Variants in EPDR1 observed in about 807,000 individuals in gnomAD.
The protein encoded by EPDR1 is ependymin related 1.
A neutral mutation model predicts 23.7 loss-of-function variants in EPDR1; 27 were observed. That is an observed-to-expected ratio of 1.14 (90% CI 0.84 to 1.57). The LOEUF is 1.57. EPDR1 is among the 40% of genes most tolerant of loss of function. The probability of loss-of-function intolerance (pLI) is 0.00; values close to 1 mark genes in which losing one functional copy is unlikely to be tolerated. For missense variants in EPDR1, 349 were observed against 290.4 expected (o/e 1.20, Z -1.47); for synonymous variants, 137 against 118.2 (o/e 1.16, Z -1.03).
chr7:37,948,185 T>C (rs1339152750), intron 1 of EPDR1, among the ~76,000 whole-genome samples: 1 of 151,834 alleles, frequency 6.6e-6, no homozygotes, highest in African/African-American at 2.4e-5. Context: ...CACACAAGAG[T>C]CAAGTCCTCC....
At chr7:37,936,025 T>TATACACAC (rs1554374629) in intron 1 of EPDR1, among the ~76,000 whole-genome samples, 3 of 105,324 alleles carry the variant, frequency 2.8e-5, no homozygotes, top group Admixed American at 9.5e-5. Context: ...TATATATATA[T>TATACACAC]ATATATATAT....
intron 1 of EPDR1, among the ~76,000 whole-genome samples, chr7:37,930,919 C>T (rs557749805): frequency 6.6e-6 from 1 of 152,300 alleles, no homozygotes; most frequent in South Asian, 2.1e-4. Flanking sequence ...TTATAAGGAG[C>T]TTTGTCACAA....
chr7:37,931,909 T>G (rs570005234), intron 1 of EPDR1, among the ~76,000 whole-genome samples: 1 of 152,140 alleles, frequency 6.6e-6, no homozygotes, highest in East Asian at 1.9e-4. Context: ...AGGGTTTCAC[T>G]GTGTTAGCCA....
rs539079561 is a variant in EPDR1 at position 37,951,098 on chromosome 7, C to T, written c.*702C>T. The T allele has an allele frequency of 3.3e-5, 5 of 152,310 alleles. No individual in the cohort carries two copies. The highest frequency in any genetic ancestry group is 9.6e-5 in the African/African-American group (4 of 41,566). 9.4% of individuals were successfully genotyped at this position (152,310 alleles called of 1,614,324 possible). On this transcript the variant is annotated 3_prime_UTR_variant, in exon 3 of 3. Coordinates refer to ENST00000199448, the MANE Select transcript of EPDR1 (RefSeq NM_017549.5). ...TCCTAATGTCTACACTGGCATAGCA[C>T]GAGCCATGTAAGCTTCTTTTTTTTC...
At position 37,920,883 on chromosome 7, in the gene EPDR1, C is replaced by T. The variant is rs753016633; in HGVS notation, c.-57C>T. 2.5e-6 allele frequency: 4 copies of T among 1,611,482 alleles called. No individual in the cohort carries two copies. The highest frequency in any genetic ancestry group is 2.7e-5 in the African/African-American group (2 of 74,898). Reference sequence around the variant, plus strand: ...CGGCGGGAGCCACTCTGATCCCGGACGCCTCAGCGCCCCCTTGGGCTTGGG... The same window carrying T: ...CGGCGGGAGCCACTCTGATCCCGGATGCCTCAGCGCCCCCTTGGGCTTGGG... On this transcript the variant is annotated 5_prime_UTR_variant, in exon 1 of 3. It adds an upstream start codon to the 5' untranslated region. Transcript: ENST00000199448.
At position 37,950,376 on chromosome 7, in the gene EPDR1, A is replaced by G; in HGVS notation, c.655A>G (p.Ser219Gly). 1 of 1,613,116 alleles carries G rather than the reference A, an allele frequency of 6.2e-7. No individual in the cohort carries two copies. The highest frequency in any genetic ancestry group is 1.1e-5 in the South Asian group (1 of 90,804). ...TCQMAQLEKM[S>G]EDCSW ...CCAGATGGCCCAACTGGAGAAGATG[A>G]GCGAAGACTGCTCCTGGTGAGCCTG... is the stretch of plus-strand genomic sequence containing the variant. The change falls in exon 3 of 3, where the codon AGC (serine) becomes GGC (glycine). Residue 219 changes from serine (S) to glycine (G), a missense_variant. Physicochemically the swap from Ser to Gly is moderately conservative, Grantham distance 56 (BLOSUM62 0). Transcript: ENST00000199448.
At chr7:37,945,385 G>A (rs774149436) in intron 1 of EPDR1, among the ~76,000 whole-genome samples, 35 of 152,198 alleles carry the variant, frequency 2.3e-4, no homozygotes, top group Non-Finnish European at 4.1e-4. Context: ...CTTGTAAGCC[G>A]TTTCAAATCT....
chr7:37,946,689 T>A (rs1042203710), intron 1 of EPDR1, among the ~76,000 whole-genome samples: 2 of 152,202 alleles, frequency 1.3e-5, no homozygotes, highest in African/African-American at 4.8e-5. Context: ...CCTGACAGCC[T>A]TCCAGTGGGA....
At chr7:37,922,142 T>G (rs1297136463) in intron 1 of EPDR1, among the ~76,000 whole-genome samples, 1 of 152,218 alleles carries the variant, frequency 6.6e-6, no homozygotes, top group East Asian at 1.9e-4. Context: ...TTATGGCATT[T>G]GCATCATTAG....
intron 1 of EPDR1, among the ~76,000 whole-genome samples, chr7:37,923,121 G>C (rs1785743392): frequency 6.6e-6 from 1 of 152,200 alleles, no homozygotes; most frequent in Non-Finnish European, 1.5e-5. Context: ...GTTTTAAACA[G>C]TGGAATTTGT....
At chr7:37,924,453 C>T (rs1785776469) in intron 1 of EPDR1, among the ~76,000 whole-genome samples, 2 of 152,222 alleles carry the variant, frequency 1.3e-5, no homozygotes, top group African/African-American at 2.4e-5. Flanking sequence ...TTGGTGAGTA[C>T]TGCTCAAGTC....
intron 1 of EPDR1, among the ~76,000 whole-genome samples, chr7:37,922,849 C>T (rs1311182725): frequency 6.6e-6 from 1 of 152,084 alleles, no homozygotes; most frequent in East Asian, 1.9e-4. Flanking sequence ...GGGGTGAGAG[C>T]TGGGGTTGTG....
chr7:37,942,110 C>T (rs948499308), intron 1 of EPDR1, among the ~76,000 whole-genome samples: 14 of 152,160 alleles, frequency 9.2e-5, no homozygotes, highest in Non-Finnish European at 7.4e-5. Flanking sequence ...GATAGGCACT[C>T]ATTTGCGTAA....
At chr7:37,922,748 T>C (rs2131997220) in intron 1 of EPDR1, among the ~76,000 whole-genome samples, 1 of 152,228 alleles carries the variant, frequency 6.6e-6, no homozygotes, top group South Asian at 2.1e-4. Context: ...TTAGGCACTG[T>C]GTATAAACAG....
At chr7:37,931,717 G>GAGAC (rs1395071441) in intron 1 of EPDR1, among the ~76,000 whole-genome samples, 1 of 151,758 alleles carries the variant, frequency 6.6e-6, no homozygotes, top group Non-Finnish European at 1.5e-5. Context: ...TTTGTTTTTT[G>GAGAC]AGACAGAGTC....
chr7:37,922,383 T>C (rs1053385703), intron 1 of EPDR1, among the ~76,000 whole-genome samples: 4 of 152,170 alleles, frequency 2.6e-5, no homozygotes, highest in Non-Finnish European at 2.9e-5. Context: ...AGCAGCACAG[T>C]CATCATGGTG....
chr7:37,947,089 CCACTCACT>C (rs762920830), intron 1 of EPDR1, among the ~76,000 whole-genome samples: 8 of 152,180 alleles, frequency 5.3e-5, no homozygotes, highest in African/African-American at 1.9e-4. Flanking sequence ...CATTCTGTCA[CCACTCACT>C]CACTCACTCA....
intron 1 of EPDR1, among the ~76,000 whole-genome samples, chr7:37,939,647 C>A (rs1349936064): frequency 1.3e-5 from 2 of 152,088 alleles, no homozygotes; most frequent in East Asian, 3.9e-4. Context: ...GGAATCCATG[C>A]ATAGTTTTTT....
intron 1 of EPDR1, among the ~76,000 whole-genome samples, chr7:37,946,014 T>C (rs1009484250): frequency 1.3e-5 from 2 of 152,248 alleles, no homozygotes; most frequent in Non-Finnish European, 2.9e-5. Flanking sequence ...CTGAGGATAA[T>C]GGCTTCCAAC....
Sources: allele counts gnomAD v4.1 joint callset (sites outside exome capture counted in the v4.1 genomes callset), GRCh38; gene constraint gnomAD v4.1.1; transcripts MANE v1.5; gene names NCBI Gene and HGNC (gene_info 2026-07-23, HGNC 2026-07-21).